PRTG: variants seen among roughly 807,000 people sequenced by gnomAD.
PRTG encodes the protein immunoglobulin superfamily, DCC subclass, member 5.
In PRTG, 67 loss-of-function variants were observed where a neutral mutation model predicts 122.5. The ratio of observed to expected loss-of-function variants is 0.55; its 90% confidence interval spans 0.45 to 0.67. The LOEUF (loss-of-function observed/expected upper bound fraction) is 0.67. PRTG is among the 30% of genes least tolerant of loss of function. The pLI, the probability that PRTG is intolerant of heterozygous loss-of-function variation, is 0.00. For synonymous variants in PRTG, 554 were observed against 501.1 expected, an observed-to-expected ratio of 1.11 and a Z score of -1.41; for missense variants, 1,435 against 1,415.4, an observed-to-expected ratio of 1.01 and a Z score of -0.22.
intron 2 of PRTG, among the ~76,000 whole-genome samples, chr15:55,690,939 GA>G (rs2059597054): frequency 6.6e-6 from 1 of 152,172 alleles, no homozygotes. Context: ...ACTGGGATCT[GA>G]ATCCAGGTAG....
intron 2 of PRTG, among the ~76,000 whole-genome samples, chr15:55,739,890 A>G (rs537097191): frequency 6.6e-6 from 1 of 152,332 alleles, no homozygotes; most frequent in East Asian, 1.9e-4. Flanking sequence ...GTGACTGACC[A>G]ATGCCCTCTC....
At chr15:55,717,941 C>A (rs754552253) in intron 2 of PRTG, among the ~76,000 whole-genome samples, 2 of 152,184 alleles carry the variant, frequency 1.3e-5, no homozygotes, top group Non-Finnish European at 2.9e-5. Context: ...TGACTTGGAT[C>A]GGGGGACCTC....
intron 2 of PRTG, among the ~76,000 whole-genome samples, chr15:55,698,806 T>C (rs1036747527): frequency 4.0e-5 from 6 of 150,620 alleles, no homozygotes; most frequent in East Asian, 2.0e-4. Context: ...AGGGCAGTCA[T>C]CAGGACTCGT....
intron 2 of PRTG, among the ~76,000 whole-genome samples, chr15:55,707,444 T>C (rs1318799278): frequency 6.6e-6 from 1 of 152,232 alleles, no homozygotes; most frequent in African/African-American, 2.4e-5. Flanking sequence ...GGTCTTTGAA[T>C]TGCTTCAGTA....
intron 11 of PRTG, among the ~76,000 whole-genome samples, chr15:55,644,737 G>A (rs12903208): frequency 0.28 from 41,635 of 151,290 alleles, 8,107 homozygotes; most frequent in East Asian, 0.94. Flanking sequence ...TATATCAGGC[G>A]TACAAGATCC....
chr15:55,679,223 C>A, intron 7 of PRTG, 63 bp downstream of exon 7: 1 of 1,068,958 alleles, frequency 9.4e-7, no homozygotes, highest in Non-Finnish European at 1.4e-6. Flanking sequence ...ATAACCATTT[C>A]ACATAAAAAT....
At chr15:55,635,468 C>T (rs2059252852) in intron 15 of PRTG, among the ~76,000 whole-genome samples, 1 of 152,178 alleles carries the variant, frequency 6.6e-6, no homozygotes, top group East Asian at 1.9e-4. Context: ...ACCAACAGAA[C>T]TGCCAAGCTG....
intron 15 of PRTG, among the ~76,000 whole-genome samples, chr15:55,631,870 G>A (rs576113): frequency 0.97 from 147,998 of 152,312 alleles, 72,049 homozygotes; most frequent in East Asian, 1. Flanking sequence ...AAATAAAAGT[G>A]AGTTTTCTTC....
intron 17 of PRTG, among the ~76,000 whole-genome samples, chr15:55,624,823 A>G (rs1472314341): frequency 3.9e-5 from 6 of 152,234 alleles, no homozygotes; most frequent in Non-Finnish European, 8.8e-5. Context: ...GAGGATTATT[A>G]CACTAGCATA....
chr15:55,670,391 C>A (rs1189365560), intron 11 of PRTG, among the ~76,000 whole-genome samples: 1 of 152,108 alleles, frequency 6.6e-6, no homozygotes. Context: ...ATCTATGATT[C>A]TTCATCAACA....
At chr15:55,635,994 G>T (rs1046704257) in intron 15 of PRTG, among the ~76,000 whole-genome samples, 2 of 151,804 alleles carry the variant, frequency 1.3e-5, no homozygotes, top group African/African-American at 2.4e-5. Flanking sequence ...TTTATGTGAT[G>T]GCCCATCTAA....
intron 15 of PRTG, among the ~76,000 whole-genome samples, chr15:55,633,115 C>T (rs1281632128): frequency 6.6e-6 from 1 of 152,122 alleles, no homozygotes; most frequent in African/African-American, 2.4e-5. Flanking sequence ...TATCAGTAAA[C>T]TCATAAAGGA....
chr15:55,733,927 A>G (rs537258212), intron 2 of PRTG, among the ~76,000 whole-genome samples: 6 of 152,354 alleles, frequency 3.9e-5, no homozygotes, highest in South Asian at 2.1e-4. Flanking sequence ...AATATCAAGG[A>G]TAAGATAGAA....
At chr15:55,704,801 A>C (rs1226024646) in intron 2 of PRTG, among the ~76,000 whole-genome samples, 1 of 152,198 alleles carries the variant, frequency 6.6e-6, no homozygotes, top group African/African-American at 2.4e-5. Flanking sequence ...ATAGCTGTTA[A>C]ATTAAAAAGC....
intron 13 of PRTG, 37 bp from the exon 14 acceptor site, chr15:55,638,713 G>A (rs371116403): frequency 6.4e-7 from 1 of 1,569,742 alleles, no homozygotes; most frequent in Non-Finnish European, 8.7e-7. Context: ...AATGCTGGTA[G>A]TATAATATTG....
rs976214079 is a variant in PRTG, at chr15:55,614,639, G to A, written c.*5373C>T. Reference sequence around the variant, plus strand: ...GACGCAAATATTTAGGACACTTGCTGATAAACATGAGATGTTATTTTATGA... The same window carrying A: ...GACGCAAATATTTAGGACACTTGCTAATAAACATGAGATGTTATTTTATGA... On this transcript the variant is annotated 3_prime_UTR_variant, in exon 20 of 20. Coordinates refer to ENST00000389286, the MANE Select transcript of PRTG (RefSeq NM_173814.6). The A allele has an allele frequency of 6.6e-6, 1 of 152,140 alleles. No homozygotes were observed. Among genetic ancestry groups the A allele is most frequent in the African/African-American group, 2.4e-5 (1 of 41,438 alleles). The allele number at this position is 152,140 out of a possible 1,614,324, so 9.4% of individuals were successfully genotyped here. A position where few individuals can be genotyped will look rare whatever the true frequency, so the allele number is the denominator to read the frequency against.
chr15:55,739,657 C>T (rs912649837), intron 2 of PRTG, among the ~76,000 whole-genome samples: 2 of 152,158 alleles, frequency 1.3e-5, no homozygotes, highest in East Asian at 3.8e-4. Flanking sequence ...CCTATCTTTA[C>T]ACGCAACAGT....
intron 13 of PRTG, 134 bp from the exon 14 acceptor site, chr15:55,638,810 A>G: frequency 2.8e-6 from 2 of 722,902 alleles, no homozygotes; most frequent in Non-Finnish European, 4.4e-6. Context: ...AAAAATGTTT[A>G]GACTAAAGAA....
At chr15:55,630,462 G>A (rs893125134) in intron 15 of PRTG, among the ~76,000 whole-genome samples, 5 of 152,146 alleles carry the variant, frequency 3.3e-5, no homozygotes, top group African/African-American at 4.8e-5. Flanking sequence ...AAACAGGGAA[G>A]AAAATGCACA....
Sources: allele counts gnomAD v4.1 joint callset (sites outside exome capture counted in the v4.1 genomes callset), GRCh38; gene constraint gnomAD v4.1.1; transcripts MANE v1.5; gene names NCBI Gene and HGNC (gene_info 2026-07-23, HGNC 2026-07-21).